ITGB8: variants seen among roughly 807,000 people sequenced by gnomAD.
ITGB8 encodes the protein integrin subunit beta 8, also known as integrin beta-8.
A neutral mutation model predicts 89.5 loss-of-function variants in ITGB8; 30 were observed. The ratio of observed to expected loss-of-function variants is 0.34; its 90% CI spans 0.25 to 0.45. The LOEUF (loss-of-function observed/expected upper bound fraction) is 0.45, where lower values mean the gene tolerates loss of function less well. ITGB8 is among the 20% of genes least tolerant of loss of function. ITGB8 has a pLI of 1.00. For synonymous variants in ITGB8, 335 were observed against 320.4 expected (o/e 1.05, Z -0.49); for missense variants, 836 against 933.3 (o/e 0.90, Z 1.36).
At position 20,381,442 on chromosome 7, in the gene ITGB8, A is replaced by G. The variant is rs537972604; in HGVS notation, c.802-285A>G. 86 of 215,832 alleles carry G rather than the reference A, an allele frequency of 4.0e-4. No individual in the cohort carries two copies. The South Asian group carries it at 0.011, about 28-fold the overall frequency. 13.4% of individuals were successfully genotyped at this position (215,832 alleles called of 1,614,324 possible). ...CTCCCAAGGTGCTGGGATTACAGGC[A>G]TGAGCCACCGTGCCTGGCCTCTCCT... On this transcript the variant is annotated intron_variant, in intron 5 of 13. Transcript: ENST00000222573.
chr7:20,372,744 A>C (rs540976737), intron 3 of ITGB8, among the ~76,000 whole-genome samples: 1 of 152,318 alleles, frequency 6.6e-6, no homozygotes, highest in South Asian at 2.1e-4. Flanking sequence ...TTGAATTTCT[A>C]TGTGCAAATT....
In ITGB8 at chr7:20,381,795, C is replaced by T. The variant is rs763523589; in HGVS notation, c.870C>T (p.Leu290=). 5 of 1,613,904 alleles carry T rather than the reference C, an allele frequency of 3.1e-6. No homozygotes were observed. Among genetic ancestry groups the T allele is most frequent in the Non-Finnish European group, 4.2e-6 (5 of 1,179,808 alleles). ...TGATGACAGATCAGACGTCTCATCT[C>T]GCTCTTGATAGCAAATTGGCAGGCA... ...LLVMTDQTSH[L]ALDSKLAGIV... is the part of the protein sequence containing the mutation. Residue 290 remains leucine, a synonymous_variant, in exon 6 of 14, where the codon CTC becomes CTT. Coordinates refer to ENST00000222573, the MANE Select transcript of ITGB8 (RefSeq NM_002214.3).
At chr7:20,356,719 T>G (rs943019385) in intron 1 of ITGB8, among the ~76,000 whole-genome samples, 1 of 152,188 alleles carries the variant, frequency 6.6e-6, no homozygotes, top group Non-Finnish European at 1.5e-5. Flanking sequence ...TAATTGTTCT[T>G]TTTGCCAGAT....
intron 10 of ITGB8, among the ~76,000 whole-genome samples, chr7:20,403,177 C>A (rs1382400952): frequency 6.6e-6 from 1 of 152,092 alleles, no homozygotes; most frequent in Admixed American, 6.5e-5. Flanking sequence ...TCTTAATATA[C>A]AAACATTTAT....
At position 20,394,921 on chromosome 7, in the gene ITGB8, C is replaced by T. The variant is rs1161335166; in HGVS notation, c.1082C>T (p.Thr361Ile). ...GATCTTCTACCCCTCTTGCCAGGCACCATTGCTGGTGAAATAGAATCAAAG... is the reference window on the plus strand; with the variant it reads ...GATCTTCTACCCCTCTTGCCAGGCATCATTGCTGGTGAAATAGAATCAAAG... ...YKDLLPLLPG[T>I]IAGEIESKAA... Residue 361 changes from threonine (T) to isoleucine (I), a missense_variant, in exon 8 of 14, where the codon ACC (threonine) becomes ATC (isoleucine). By Grantham distance (89) the Thr-to-Ile change is moderately conservative. This residue lies in a region of ITGB8 where 192 missense variants were observed against 267.1 expected (regional missense o/e 0.72). Coordinates refer to ENST00000222573, the MANE Select transcript of ITGB8 (RefSeq NM_002214.3). The T allele has an allele frequency of 1.9e-6, 3 of 1,613,536 alleles. No homozygotes were observed. Among genetic ancestry groups the T allele is most frequent in the East Asian group, 2.2e-5 (1 of 44,860 alleles).
At chr7:20,402,701 C>T (rs1787365700) in intron 10 of ITGB8, among the ~76,000 whole-genome samples, 1 of 152,220 alleles carries the variant, frequency 6.6e-6, no homozygotes, top group South Asian at 2.1e-4. Flanking sequence ...CAAGAAAATA[C>T]TGCCTTACTA....
intron 12 of ITGB8, 93 bp from the exon 13 acceptor site, chr7:20,409,522 C>G: frequency 1.3e-6 from 1 of 757,766 alleles, no homozygotes; most frequent in South Asian, 2.2e-5. Flanking sequence ...ATCTTTGGCA[C>G]TATTAATTGA....
At chr7:20,353,916 A>G (rs1309856900) in intron 1 of ITGB8, among the ~76,000 whole-genome samples, 1 of 113,404 alleles carries the variant, frequency 8.8e-6, no homozygotes, top group Non-Finnish European at 1.6e-5. Context: ...TGGGCGACAG[A>G]GCGAGACTCC....
intron 3 of ITGB8, among the ~76,000 whole-genome samples, chr7:20,370,320 A>T (rs1785876922): frequency 6.6e-6 from 1 of 151,692 alleles, no homozygotes; most frequent in African/African-American, 2.4e-5. Context: ...ATCTATAATA[A>T]ACTGTTTAAG....
chr7:20,357,755 C>T (rs752967301), intron 1 of ITGB8, among the ~76,000 whole-genome samples: 1 of 152,098 alleles, frequency 6.6e-6, no homozygotes, highest in Non-Finnish European at 1.5e-5. Context: ...TTGGAAGTTT[C>T]CTCCCAGTAA....
At chr7:20,362,888 G>A (rs1314954592) in intron 1 of ITGB8, among the ~76,000 whole-genome samples, 1 of 152,136 alleles carries the variant, frequency 6.6e-6, no homozygotes, top group Non-Finnish European at 1.5e-5. Context: ...AGGGATAAAG[G>A]TAAATAATTT....
chr7:20,355,004 C>A (rs1475169679), intron 1 of ITGB8, among the ~76,000 whole-genome samples: 1 of 152,204 alleles, frequency 6.6e-6, no homozygotes, highest in Non-Finnish European at 1.5e-5. Flanking sequence ...AGTGCCCCAC[C>A]CATGCTCTTT....
rs188630332 is a variant in ITGB8, at chr7:20,340,983, C to T, written c.127+9050C>T. Among the ~76,000 whole-genome samples, 56 of 152,238 alleles carry T rather than the reference C, an allele frequency of 3.7e-4. No individual in the cohort carries two copies. In the East Asian group the frequency reaches 9.7e-3, roughly 26 times the overall value. On this transcript the variant is annotated intron_variant, in intron 1 of 13. Transcript: ENST00000222573. ...GTGCAAAGAGGCCAGGCTGGATAGG[C>T]TTAGTCATGCAAGGTATTCATTGAC... is the stretch of plus-strand genomic sequence containing the variant.
In ITGB8 at chr7:20,410,057, T is replaced by C. The variant is rs1787706455; in HGVS notation, c.*60T>C. On this transcript the variant is annotated 3_prime_UTR_variant, in exon 14 of 14. Transcript: ENST00000222573. ...ATTGTTAATAATTGCTCCTAAAGAT[T>C]ATAATTTTAAAAGTCACAGGAGGAG... The C allele has an allele frequency of 6.5e-7, 1 of 1,543,850 alleles. No individual in the cohort carries two copies. Among genetic ancestry groups the C allele is most frequent in the Non-Finnish European group, 8.8e-7 (1 of 1,136,988 alleles).
intron 1 of ITGB8, among the ~76,000 whole-genome samples, chr7:20,362,426 GA>G (rs1220606838): frequency 6.6e-6 from 1 of 152,154 alleles, no homozygotes; most frequent in Non-Finnish European, 1.5e-5. Flanking sequence ...TGGATTAGAA[GA>G]AAGAAAACGA....
chr7:20,402,110 T>C lies in ITGB8; in HGVS notation c.1671T>C (p.His557=). 6.2e-7 allele frequency: 1 copy of C among 1,611,826 alleles called. No individual in the cohort carries two copies. The highest frequency in any genetic ancestry group is 8.5e-7 in the Non-Finnish European group (1 of 1,178,774). ...EKDDFSCPYH[H]GNLCAGHGEC... ...ATGACTTTTCTTGTCCATATCACCA[T>C]GGAAATCTGTGTGCTGGTGAGTATA... is the stretch of plus-strand genomic sequence containing the variant. Residue 557 remains histidine (H), a synonymous_variant, in exon 10 of 14, where the codon CAT becomes CAC. Transcript: ENST00000222573.
At position 20,330,949 on chromosome 7, in the gene ITGB8, C is replaced by T. The variant is rs1784360564; in HGVS notation, c.-858C>T. On this transcript the variant is annotated 5_prime_UTR_variant, in exon 1 of 14. Transcript: ENST00000222573. ...TGGACTGCGGGACGCCTGAGCCGCG[C>T]ACTGAGGCGAAAAGGACAAGGGCAC... The T allele has an allele frequency of 6.6e-6, 1 of 152,338 alleles. No homozygotes were observed. Among genetic ancestry groups the T allele is most frequent in the African/African-American group, 2.4e-5 (1 of 41,470 alleles). The allele number at this position is 152,338 out of a possible 1,614,324, so 9.4% of individuals were successfully genotyped here.
intron 1 of ITGB8, among the ~76,000 whole-genome samples, chr7:20,350,672 G>A (rs542993069): frequency 2.0e-4 from 31 of 152,380 alleles, no homozygotes; most frequent in African/African-American, 7.2e-4. Context: ...CAAAGCCTCA[G>A]CAGTTAGTTT....
At chr7:20,330,460 C>A (rs1029865614), upstream of ITGB8, among the ~76,000 whole-genome samples, 2 of 152,150 alleles carry the variant, frequency 1.3e-5, no homozygotes, top group African/African-American at 4.8e-5. Context: ...GAGTCTCCCA[C>A]CACCCCCGCG....
Sources: gnomAD v4.1 joint callset for allele counts (sites outside exome capture counted in the v4.1 genomes callset) on GRCh38, gnomAD v4.1.1 for gene constraint, gnomAD v4.1.1 regional missense constraint, MANE v1.5 for transcripts, NCBI Gene and HGNC (gene_info 2026-07-23, HGNC 2026-07-21) for gene names.